The following ENOSF1 variants were observed in gnomAD, a reference collection of about 807,000 sequenced individuals.
ENOSF1 encodes the protein mitochondrial enolase superfamily member 1.
A neutral mutation model predicts 68.2 loss-of-function variants in ENOSF1; 73 were observed. The ratio of observed to expected loss-of-function variants is 1.07; its 90% CI spans 0.89 to 1.30. The LOEUF is 1.30. Among genes scored for constraint, ENOSF1 ranks in the 50% most tolerant of loss-of-function variants. The pLI is 0.00. For synonymous variants in ENOSF1, 223 were observed against 210.4 expected (o/e 1.06, Z -0.52); for missense variants, 589 against 554.5 (o/e 1.06, Z -0.62).
chr18:667,607 T>TGATGGAGATGGAGATGGA (rs1292108760), downstream of ENOSF1: 5 of 43,728 alleles, frequency 1.1e-4, no homozygotes, highest in Admixed American at 6.9e-4. Context: ...ATGGTGATGG[T>TGATGGAGATGGAGATGGA]GATGGAGATG....
intron 2 of ENOSF1, among the ~76,000 whole-genome samples, chr18:704,685 A>T (rs2078746750): frequency 6.7e-6 from 1 of 148,184 alleles, no homozygotes; most frequent in Admixed American, 6.9e-5. Flanking sequence ...GGCTCACTGC[A>T]AACTCCAACT....
At chr18:667,017 A>C (rs1672569), downstream of ENOSF1, among the ~76,000 whole-genome samples, 14 of 4,592 alleles carry the variant, frequency 3.0e-3, 2 homozygotes, top group African/African-American at 0.013. Context: ...ATGGTGATGG[A>C]GATGGAGATG....
intron 8 of ENOSF1, 29 bp downstream of exon 8, chr18:690,520 T>G: frequency 6.2e-7 from 1 of 1,613,904 alleles, no homozygotes; most frequent in Admixed American, 1.7e-5. Context: ...CCCATTCAGC[T>G]GTCTACAAAG....
intron 2 of ENOSF1, among the ~76,000 whole-genome samples, chr18:700,914 A>AC (rs2078277181): frequency 1.5e-5 from 2 of 137,670 alleles, no homozygotes; most frequent in African/African-American, 2.8e-5. Context: ...AAAAAAAAAA[A>AC]CAAGAGAAAT....
chr18:686,645 G>A (rs1284614578), intron 9 of ENOSF1: 2 of 152,352 alleles, frequency 1.3e-5, no homozygotes, highest in Non-Finnish European at 2.9e-5. Context: ...TGAGACATGG[G>A]CCTCTATGTC....
In ENOSF1 at chr18:671,620, T is replaced by C; in HGVS notation, c.*2685A>G. The C allele has an allele frequency of 1.6e-6, 1 of 640,404 alleles. No individual in the cohort carries two copies. Among genetic ancestry groups the C allele is most frequent in the Non-Finnish European group, 2.8e-6 (1 of 362,696 alleles). The allele number at this position is 640,404 out of a possible 1,614,324, so 39.7% of individuals were successfully genotyped here. ...GCAGGTGGGCAGGACAAGGCAGGCATCTGCCTCAGCAACCATGGGCACTTA... is the reference window on the plus strand; with the variant it reads ...GCAGGTGGGCAGGACAAGGCAGGCACCTGCCTCAGCAACCATGGGCACTTA... On this transcript the variant is annotated 3_prime_UTR_variant, in exon 16 of 16. Coordinates refer to ENST00000647584, the MANE Select transcript of ENOSF1 (RefSeq NM_017512.7).
chr18:674,978 G>C (rs368604360), intron 15 of ENOSF1, among the ~76,000 whole-genome samples: 1 of 152,224 alleles, frequency 6.6e-6, no homozygotes, highest in Non-Finnish European at 1.5e-5. Context: ...TCTTGAACAT[G>C]ATCAGAATAA....
chr18:667,398 GGT>G (rs1309246934), downstream of ENOSF1, among the ~76,000 whole-genome samples: 15 of 5,024 alleles, frequency 3.0e-3, 3 homozygotes, highest in Non-Finnish European at 6.1e-3. Flanking sequence ...TGATGGAGAT[GGT>G]GATGGTGATG....
intron 10 of ENOSF1, among the ~76,000 whole-genome samples, chr18:684,864 A>ATT (rs60666075): frequency 6.8e-6 from 1 of 147,624 alleles, no homozygotes; most frequent in Non-Finnish European, 1.5e-5. Flanking sequence ...CTCAGAATGG[A>ATT]TTTTTTTTTT....
At chr18:712,319 TCGG>T (rs34015520) in intron 1 of ENOSF1, 182 bp downstream of exon 1, 228,150 of 1,185,960 alleles carry the variant, frequency 0.19, 58,064 homozygotes, top group African/African-American at 0.55. Context: ...AGAGCTGCAG[TCGG>T]CGGGGCGGGA....
intron 2 of ENOSF1, among the ~76,000 whole-genome samples, chr18:698,132 A>G (rs1295806560): frequency 1.3e-5 from 2 of 152,240 alleles, no homozygotes; most frequent in Non-Finnish European, 2.9e-5. Context: ...AATATCACAC[A>G]AGTAGAACAC....
Position 712,287 on chromosome 18 carries a change from C to T in ENOSF1, c.84+217G>A, listed in dbSNP as rs1201801412. 4 of 1,528,524 alleles carry T rather than the reference C, an allele frequency of 2.6e-6. No homozygotes were observed. In the South Asian group the frequency reaches 3.6e-5, roughly 14 times the overall value. 94.7% of individuals were successfully genotyped at this position (1,528,524 alleles called of 1,614,324 possible). ...TTTACAGAAGCAATGGGTTCGAAGT[C>T]GGGAAGCTGCCCGGGGCCCGCAGAG... On this transcript the variant is annotated intron_variant, in intron 1 of 15. Coordinates refer to ENST00000647584, the MANE Select transcript of ENOSF1 (RefSeq NM_017512.7).
chr18:694,022 C>A, intron 4 of ENOSF1, 114 bp from the exon 5 acceptor site: 4 of 1,203,818 alleles, frequency 3.3e-6, no homozygotes, highest in African/African-American at 1.5e-5. Flanking sequence ...GGTCCCCACA[C>A]CCCCCTCTAC....
In ENOSF1 at chr18:671,321, A is replaced by G. The variant is rs2075040526; in HGVS notation, c.*2984T>C. 9.0e-7 allele frequency: 1 copy of G among 1,105,328 alleles called. No homozygotes were observed. The highest frequency in any genetic ancestry group is 2.3e-5 in the East Asian group (1 of 42,600). 68.5% of individuals were successfully genotyped at this position (1,105,328 alleles called of 1,614,324 possible). The stretch of plus-strand genomic sequence containing the variant: ...TGTCTGCATATTCTAATGTTTTTAA[A>G]TGATGTTTTAAAGAATTGAAACTAA... On this transcript the variant is annotated 3_prime_UTR_variant, in exon 16 of 16. Transcript: ENST00000647584.
intron 4 of ENOSF1, 107 bp downstream of exon 4, chr18:694,141 G>T: frequency 8.2e-7 from 1 of 1,220,828 alleles, no homozygotes; most frequent in African/African-American, 1.5e-5. Context: ...GCAATTATCT[G>T]TATTTCCTTT....
intron 3 of ENOSF1, among the ~76,000 whole-genome samples, chr18:694,627 C>CAAAAAA (rs1304863597): frequency 9.3e-6 from 1 of 107,844 alleles, no homozygotes; most frequent in Non-Finnish European, 2.0e-5. Context: ...GACTCTGTCT[C>CAAAAAA]AAAAAAAAAA....
At chr18:695,335 T>C (rs2077606313) in intron 3 of ENOSF1, among the ~76,000 whole-genome samples, 1 of 152,244 alleles carries the variant, frequency 6.6e-6, no homozygotes, top group African/African-American at 2.4e-5. Flanking sequence ...CATTTTGTTT[T>C]ATTATTAGGA....
At chr18:677,976 G>A in intron 12 of ENOSF1, 104 bp from the exon 13 acceptor site, 1 of 1,358,254 alleles carries the variant, frequency 7.4e-7, no homozygotes, top group Non-Finnish European at 9.9e-7. Flanking sequence ...TTATTCATCA[G>A]TGGCCGTCAG....
intron 3 of ENOSF1, 134 bp downstream of exon 3, chr18:697,106 G>A (rs2077811222): frequency 2.8e-6 from 2 of 714,290 alleles, no homozygotes; most frequent in South Asian, 3.0e-5. Flanking sequence ...GACAGAGTGA[G>A]ACTCCATCTC....
Sources: allele counts gnomAD v4.1 joint callset (sites outside exome capture counted in the v4.1 genomes callset), GRCh38; gene constraint gnomAD v4.1.1; transcripts MANE v1.5; gene names NCBI Gene and HGNC (gene_info 2026-07-23, HGNC 2026-07-21).